Variants in ANKRD36 observed in about 807,000 individuals in gnomAD.
ANKRD36 encodes ankyrin repeat domain 36.
ANKRD36 carries 179 observed loss-of-function variants against 278.1 expected under a neutral mutation model. The ratio of observed to expected loss-of-function variants is 0.64; its 90% CI spans 0.57 to 0.73. ANKRD36 has a LOEUF of 0.73. Among genes scored for constraint, ANKRD36 ranks in the 30% least tolerant of loss-of-function variants. The pLI is 0.00. For missense variants in ANKRD36, 1,159 were observed against 1,956.7 expected, an observed-to-expected ratio of 0.59 and a Z score of 7.69; for synonymous variants, 320 against 641.1, an observed-to-expected ratio of 0.50 and a Z score of 7.57.
chr2:97,232,121 CAT>C (rs2072357979), intron 67 of ANKRD36, among the ~76,000 whole-genome samples: 1 of 151,998 alleles, frequency 6.6e-6, no homozygotes, highest in Non-Finnish European at 1.5e-5. Flanking sequence ...AGTAGGTAAA[CAT>C]AGATTAAGAA....
At chr2:97,144,792 T>G (rs2043835982) in intron 10 of ANKRD36, 80 bp downstream of exon 10, 1 of 1,479,456 alleles carries the variant, frequency 6.8e-7, no homozygotes, top group African/African-American at 1.4e-5. Context: ...AGCAGGGGGC[T>G]CATTGAAGCT....
At chr2:97,191,290 G>T in intron 36 of ANKRD36, 109 bp downstream of exon 36, 1 of 1,248,318 alleles carries the variant, frequency 8.0e-7, no homozygotes, top group South Asian at 1.6e-5. Flanking sequence ...TTATCATTCA[G>T]CTGTCCTGAG....
chr2:97,181,523 C>G, intron 24 of ANKRD36, 75 bp from the exon 25 acceptor site: 2 of 1,589,458 alleles, frequency 1.3e-6, no homozygotes, highest in Non-Finnish European at 1.7e-6. Flanking sequence ...CAGCTTGATG[C>G]TAACACTGCA....
intron 64 of ANKRD36, 114 bp downstream of exon 64, chr2:97,217,486 C>G: frequency 6.9e-7 from 1 of 1,450,504 alleles, no homozygotes; most frequent in Non-Finnish European, 9.3e-7. Flanking sequence ...ATTCAGCAGG[C>G]CTGAGATTGT....
intron 6 of ANKRD36, among the ~76,000 whole-genome samples, chr2:97,133,297 A>C (rs927961901): frequency 7.9e-5 from 12 of 151,984 alleles, no homozygotes; most frequent in Non-Finnish European, 1.5e-4. Flanking sequence ...GTTGCAACTT[A>C]ATATGAAATA....
At position 97,113,842 on chromosome 2, in the gene ANKRD36, A is replaced by G. The variant is rs759245845; in HGVS notation, c.103A>G (p.Arg35Gly). 1.2e-4 allele frequency: 190 copies of G among 1,613,046 alleles called. No homozygotes were observed. In the Middle Eastern group the frequency reaches 1.3e-3, roughly 11 times the overall value. Residue 35 changes from arginine to glycine, a missense_variant, in exon 1 of 76, where the codon AGG becomes GGG. Transcript: ENST00000420699. ...QYPIKPYHLK[R>G]IHRAVLHGNL... Reference sequence around the variant, plus strand: ...CCCCATTAAACCGTATCATCTGAAGAGGATCCACAGAGCTGTCTTACATGG... The same window carrying G: ...CCCCATTAAACCGTATCATCTGAAGGGGATCCACAGAGCTGTCTTACATGG...
chr2:97,208,241 G>A (rs1427581172), intron 54 of ANKRD36, among the ~76,000 whole-genome samples: 1 of 146,736 alleles, frequency 6.8e-6, no homozygotes, highest in South Asian at 2.1e-4. Context: ...ATTATGGAGA[G>A]CAGTTCAAGG....
intron 6 of ANKRD36, among the ~76,000 whole-genome samples, chr2:97,138,683 A>C (rs898283623): frequency 3.3e-5 from 5 of 152,112 alleles, no homozygotes; most frequent in African/African-American, 4.8e-5. Flanking sequence ...TGACTTCAAA[A>C]TATACTACAA....
chr2:97,185,561 ACTT>A (rs1466002923), intron 30 of ANKRD36, 51 bp downstream of exon 30: 36 of 1,578,346 alleles, frequency 2.3e-5, no homozygotes, highest in Non-Finnish European at 2.9e-5. Flanking sequence ...ATAGAAAAGA[ACTT>A]CTCTTCCCTG....
chr2:97,127,800 C>T (rs1463507864), intron 6 of ANKRD36, among the ~76,000 whole-genome samples: 2 of 151,762 alleles, frequency 1.3e-5, no homozygotes, highest in African/African-American at 2.4e-5. Flanking sequence ...TTTTCTTGCC[C>T]GCATGCCTTC....
chr2:97,123,848 A>G (rs1346896993), intron 4 of ANKRD36, among the ~76,000 whole-genome samples: 2 of 146,914 alleles, frequency 1.4e-5, no homozygotes, highest in Admixed American at 6.9e-5. Context: ...ATAATATATA[A>G]TATACAATGT....
At position 97,188,451 on chromosome 2, in the gene ANKRD36, C is replaced by T. The variant is rs149325827; in HGVS notation, c.2144-636C>T. On this transcript the variant is annotated intron_variant, in intron 32 of 75. Coordinates refer to ENST00000420699, the MANE Select transcript of ANKRD36 (RefSeq NM_001354587.1). ...TGCCACGACTGGATGAAGAAATTTT[C>T]GGAAGGCTAAACTAGTGGATACAAG... Among the ~76,000 whole-genome samples the T allele has an allele frequency of 8.2e-3, 1,250 of 151,772 alleles. 61 individuals are homozygous for T. The East Asian group carries it at 0.11, about 13-fold the overall frequency.
chr2:97,232,862 G>A (rs1419950006), intron 67 of ANKRD36, among the ~76,000 whole-genome samples: 3 of 152,058 alleles, frequency 2.0e-5, no homozygotes, highest in Non-Finnish European at 4.4e-5. Flanking sequence ...TGAAATAAAA[G>A]AAGACAAATA....
At chr2:97,211,821 G>A (rs2064727823) in intron 58 of ANKRD36, 80 bp downstream of exon 58, 5 of 1,445,902 alleles carry the variant, frequency 3.5e-6, no homozygotes, top group Admixed American at 2.1e-5. Context: ...ACAGCGGGGG[G>A]TTCGTCAAGC....
intron 22 of ANKRD36, among the ~76,000 whole-genome samples, chr2:97,171,453 A>G (rs2052472268): frequency 1.4e-5 from 2 of 143,778 alleles, no homozygotes; most frequent in Non-Finnish European, 3.0e-5. Flanking sequence ...TCGCAAGAAC[A>G]AAAAACCAAA....
intron 60 of ANKRD36, among the ~76,000 whole-genome samples, chr2:97,213,828 T>A (rs1246967028): frequency 1.3e-5 from 2 of 151,780 alleles, no homozygotes; most frequent in African/African-American, 2.4e-5. Context: ...CACATTGAAA[T>A]TGGGAAGAAG....
In ANKRD36 at chr2:97,113,688, C is replaced by A. The variant is rs540156263; in HGVS notation, c.-52C>A. 6.4e-5 allele frequency: 103 copies of A among 1,608,940 alleles called. 3 individuals are homozygous for A. In the South Asian group the frequency reaches 1.0e-3, roughly 16 times the overall value. On this transcript the variant is annotated 5_prime_UTR_variant, in exon 1 of 76. Coordinates refer to ENST00000420699, the MANE Select transcript of ANKRD36 (RefSeq NM_001354587.1). ...TTGTTGCTCTTCGGAGGCGGCGATC[C>A]CCGAAGGCGAGCTGAAATACGGCTG...
At chr2:97,206,731 C>G (rs2062959085) in intron 52 of ANKRD36, among the ~76,000 whole-genome samples, 2 of 151,608 alleles carry the variant, frequency 1.3e-5, no homozygotes, top group Middle Eastern at 3.4e-3. Context: ...GCTTCAGGAA[C>G]TGCTGGAAGA....
intron 26 of ANKRD36, among the ~76,000 whole-genome samples, chr2:97,182,071 A>G (rs1318798027): frequency 1.2e-4 from 18 of 151,220 alleles, no homozygotes; most frequent in South Asian, 2.1e-4. Flanking sequence ...CATTAATTCT[A>G]CAGCATGTTT....
Sources: gnomAD v4.1 joint callset for allele counts (sites outside exome capture counted in the v4.1 genomes callset) on GRCh38, gnomAD v4.1.1 for gene constraint, MANE v1.5 for transcripts, NCBI Gene and HGNC (gene_info 2026-07-23, HGNC 2026-07-21) for gene names.